The following MACROD1 variants were observed in gnomAD, a reference collection of about 807,000 sequenced individuals.
MACROD1 encodes the protein mono-ADP ribosylhydrolase 1.
MACROD1 carries 31 observed loss-of-function variants against 41.4 expected under a neutral mutation model. The ratio of observed to expected loss-of-function variants is 0.75; its 90% CI spans 0.56 to 1.01. The LOEUF (loss-of-function observed/expected upper bound fraction) is 1.01, where lower values mean the gene tolerates loss of function less well. Ranked by LOEUF, MACROD1 falls within the 50% of genes least tolerant of loss-of-function variation. The pLI is 0.00. For missense variants in MACROD1, 473 were observed against 460.0 expected, an observed-to-expected ratio of 1.03 and a Z score of -0.26; for synonymous variants, 252 against 203.4, an observed-to-expected ratio of 1.24 and a Z score of -2.03.
At chr11:64,085,401 C>A (rs1944375827) in intron 3 of MACROD1, among the ~76,000 whole-genome samples, 3 of 152,208 alleles carry the variant, frequency 2.0e-5, no homozygotes. Context: ...TGCCTGCCTT[C>A]CGGGGACGGA....
intron 5 of MACROD1, chr11:63,999,976 C>T (rs969818710): frequency 1.5e-6 from 1 of 663,806 alleles, no homozygotes; most frequent in Non-Finnish European, 2.5e-6. Flanking sequence ...CTGTATGGGC[C>T]CGGCTGAGAC....
intron 3 of MACROD1, among the ~76,000 whole-genome samples, chr11:64,016,724 A>G (rs1437829461): frequency 1.3e-5 from 2 of 152,198 alleles, no homozygotes; most frequent in East Asian, 3.9e-4. Flanking sequence ...ATTAAGATGG[A>G]GAGGCGAGGA....
At chr11:64,157,662 C>T (rs184619396) in intron 1 of MACROD1, among the ~76,000 whole-genome samples, 1 of 152,272 alleles carries the variant, frequency 6.6e-6, no homozygotes, top group Non-Finnish European at 1.5e-5. Context: ...GAAGCAGGCT[C>T]CACCAGAACC....
At chr11:64,018,215 A>G (rs481557) in intron 3 of MACROD1, among the ~76,000 whole-genome samples, 21,676 of 152,054 alleles carry the variant, frequency 0.14, 1,837 homozygotes, top group South Asian at 0.33. Flanking sequence ...CCACCCACGC[A>G]CAGTGGGTGC....
chr11:64,143,527 C>T (rs748326010), intron 3 of MACROD1, among the ~76,000 whole-genome samples: 12 of 152,040 alleles, frequency 7.9e-5, no homozygotes, highest in Non-Finnish European at 1.3e-4. Flanking sequence ...GCTGAGGGAG[C>T]TGGAGCCCAC....
intron 3 of MACROD1, among the ~76,000 whole-genome samples, chr11:64,079,405 A>AT (rs1308185062): frequency 2.8e-5 from 4 of 144,632 alleles, no homozygotes; most frequent in African/African-American, 1.0e-4. Context: ...GTCGTTGGGG[A>AT]TGGGGGGGTG....
At chr11:64,085,511 C>A (rs1944378322) in intron 3 of MACROD1, among the ~76,000 whole-genome samples, 1 of 152,190 alleles carries the variant, frequency 6.6e-6, no homozygotes, top group African/African-American at 2.4e-5. Flanking sequence ...GGATTGTCCA[C>A]CCAAATTAAA....
intron 3 of MACROD1, among the ~76,000 whole-genome samples, chr11:64,021,689 G>A (rs559041542): frequency 8.6e-5 from 13 of 151,932 alleles, no homozygotes; most frequent in African/African-American, 2.4e-4. Context: ...GTCACCCAGC[G>A]TCCTGGCCTG....
At position 64,001,669 on chromosome 11, in the gene MACROD1, G is replaced by C. The variant is rs541129332; in HGVS notation, c.548-1326C>G. ...GGCAGAGAGGTTAGGGGAACGCTGA[G>C]AACGGCTCAGGCCTGGATCCCTTCC... On this transcript the variant is annotated intron_variant, in intron 4 of 10. Coordinates refer to ENST00000255681, the MANE Select transcript of MACROD1 (RefSeq NM_014067.4). The C allele has an allele frequency of 2.4e-5, 17 of 701,646 alleles. No homozygotes were observed. In the East Asian group the frequency reaches 3.0e-4, roughly 12 times the overall value. 43.5% of individuals were successfully genotyped at this position (701,646 alleles called of 1,614,324 possible). A position where few individuals can be genotyped will look rare whatever the true frequency, so the allele number is the denominator to read the frequency against.
rs1945834341 is a variant in MACROD1 at position 64,165,850 on chromosome 11, C to T, written c.145G>A (p.Gly49Ser). 8.8e-6 allele frequency: 13 copies of T among 1,469,172 alleles called. No individual in the cohort carries two copies. Among genetic ancestry groups the T allele is most frequent in the Non-Finnish European group, 1.1e-5 (12 of 1,111,980 alleles). 91.0% of individuals were successfully genotyped at this position (1,469,172 alleles called of 1,614,324 possible). The change falls in exon 1 of 11, where the codon GGC becomes AGC. Residue 49 changes from glycine (G) to serine (S), a missense_variant. Transcript: ENST00000255681. Reference sequence around the variant, plus strand: ...GTCCGCGCACGGCGGCCGAACACGCCCAGGAACGCCGGGGGACCGCACGTG... The same window carrying T: ...GTCCGCGCACGGCGGCCGAACACGCTCAGGAACGCCGGGGGACCGCACGTG... The part of the protein sequence containing the change: ...SSTCGPPAFL[G>S]VFGRRARTSA...
chr11:64,161,824 C>T (rs1945760668), intron 1 of MACROD1, among the ~76,000 whole-genome samples: 1 of 120,776 alleles, frequency 8.3e-6, no homozygotes, highest in Non-Finnish European at 1.7e-5. Flanking sequence ...AACCTCAGCA[C>T]TTTGGGAGGC....
chr11:64,013,634 G>A (rs1943044027), intron 4 of MACROD1, among the ~76,000 whole-genome samples: 2 of 152,208 alleles, frequency 1.3e-5, no homozygotes, highest in African/African-American at 4.8e-5. Flanking sequence ...GAGACTCGAT[G>A]AGCTGATGTG....
chr11:64,043,371 G>C (rs1204561765), intron 3 of MACROD1, among the ~76,000 whole-genome samples: 1 of 152,208 alleles, frequency 6.6e-6, no homozygotes, highest in African/African-American at 2.4e-5. Context: ...GGCTTGTGGG[G>C]CACTGCTGAG....
intron 3 of MACROD1, among the ~76,000 whole-genome samples, chr11:64,069,116 G>A (rs1282246014): frequency 1.3e-5 from 2 of 152,224 alleles, no homozygotes; most frequent in Admixed American, 6.5e-5. Context: ...AGGGGTGTGA[G>A]GGTGACGGTG....
intron 3 of MACROD1, among the ~76,000 whole-genome samples, chr11:64,033,102 A>G (rs1943314984): frequency 6.6e-6 from 1 of 152,134 alleles, no homozygotes; most frequent in African/African-American, 2.4e-5. Flanking sequence ...TGATGTCAAA[A>G]TCGACTTGGC....
At chr11:64,031,807 C>T (rs1372043148) in intron 3 of MACROD1, among the ~76,000 whole-genome samples, 1 of 152,188 alleles carries the variant, frequency 6.6e-6, no homozygotes, top group Non-Finnish European at 1.5e-5. Flanking sequence ...GTGTGCTGGC[C>T]TGGTGTCCCT....
At chr11:64,143,743 GACACACACATACACACACACAC>G (rs1473758038) in intron 3 of MACROD1, among the ~76,000 whole-genome samples, 12 of 71,484 alleles carry the variant, frequency 1.7e-4, no homozygotes, top group East Asian at 1.3e-3. Flanking sequence ...CCCCAACCCC[GACACACACATACACACACACAC>G]ACACACACAC....
Position 64,166,030 on chromosome 11 carries a change from G to T in MACROD1, c.-36C>A. On this transcript the variant is annotated 5_prime_UTR_variant, in exon 1 of 11. Coordinates refer to ENST00000255681, the MANE Select transcript of MACROD1 (RefSeq NM_014067.4). Reference sequence around the variant, plus strand: ...CGCGGGACGGCTCTCCGCCCACTTGGACTCTATTTACGGCGCTCGGGAGTG... The same window carrying T: ...CGCGGGACGGCTCTCCGCCCACTTGTACTCTATTTACGGCGCTCGGGAGTG... 8.0e-7 allele frequency: 1 copy of T among 1,252,010 alleles called. No individual in the cohort carries two copies. The highest frequency in any genetic ancestry group is 3.5e-5 in the South Asian group (1 of 28,972). The allele number at this position is 1,252,010 out of a possible 1,614,324, so 77.6% of individuals were successfully genotyped here.
At chr11:64,097,032 G>T (rs1449994168) in intron 3 of MACROD1, among the ~76,000 whole-genome samples, 1 of 152,212 alleles carries the variant, frequency 6.6e-6, no homozygotes, top group African/African-American at 2.4e-5. Flanking sequence ...AGGCGGATGA[G>T]AACTCTTCAG....
Sources: allele counts gnomAD v4.1 joint callset (sites outside exome capture counted in the v4.1 genomes callset), GRCh38; gene constraint gnomAD v4.1.1; transcripts MANE v1.5; gene names NCBI Gene and HGNC (gene_info 2026-07-23, HGNC 2026-07-21).